Variants in PITRM1 observed in about 807,000 individuals in gnomAD.
The protein encoded by PITRM1 is pitrilysin metallopeptidase 1.
PITRM1 carries 100 observed loss-of-function variants against 129.9 expected under a neutral mutation model. The observed-to-expected ratio is 0.77, with a 90% CI of 0.65 to 0.91. The LOEUF is 0.91. PITRM1 is among the 40% of genes least tolerant of loss of function. The pLI, the probability that PITRM1 is intolerant of heterozygous loss-of-function variation, is 0.00. For synonymous variants in PITRM1, 591 were observed against 508.8 expected (o/e 1.16, Z -2.17); for missense variants, 1,471 against 1,318.3 (o/e 1.12, Z -1.79).
chr10:3,165,966 C>T (rs910095496), intron 4 of PITRM1, among the ~76,000 whole-genome samples: 2 of 152,174 alleles, frequency 1.3e-5, no homozygotes, highest in Non-Finnish European at 2.9e-5. Context: ...GGCATTGTAG[C>T]GATATCTCCA....
At chr10:3,143,367 G>A (rs1564389432) in intron 23 of PITRM1, 22 bp downstream of exon 23, 2 of 1,463,686 alleles carry the variant, frequency 1.4e-6, no homozygotes, top group Non-Finnish European at 1.9e-6. Flanking sequence ...GGCCTGAGAG[G>A]TCCCGACCTA....
chr10:3,155,623 G>T lies in PITRM1; in HGVS notation c.1589C>A (p.Ser530Tyr), dbSNP rs1356363310. 6.2e-7 allele frequency: 1 copy of T among 1,613,774 alleles called. No homozygotes were observed. The highest frequency in any genetic ancestry group is 1.3e-5 in the African/African-American group (1 of 74,888). ...TKLKQKVEAL[S>Y]PGDRQQIYEK... ...GTAGATCTGCTGCCTGTCTCCGGGG[G>T]ACAGAGCCTCGACCTTCTGCTTGAG... The change falls in exon 14 of 27, where the codon TCC becomes TAC. Residue 530 changes from serine (S) to tyrosine (Y), a missense_variant. Ser to Tyr is a moderately radical substitution (Grantham distance 144). Coordinates refer to ENST00000224949, the MANE Select transcript of PITRM1 (RefSeq NM_014889.4).
At chr10:3,150,771 C>G (rs1367163306) in intron 15 of PITRM1, among the ~76,000 whole-genome samples, 1 of 152,084 alleles carries the variant, frequency 6.6e-6, no homozygotes, top group Non-Finnish European at 1.5e-5. Flanking sequence ...ACAAAACGTG[C>G]CAAGGAACGA....
At chr10:3,164,012 T>C in intron 6 of PITRM1, 127 bp from the exon 7 acceptor site, 1 of 527,022 alleles carries the variant, frequency 1.9e-6, no homozygotes, top group Non-Finnish European at 3.1e-6. Context: ...AATAAAGCTG[T>C]TCTAATGGTT....
At chr10:3,147,543 G>C (rs748605165) in intron 19 of PITRM1, 29 bp downstream of exon 19, 41 of 1,607,988 alleles carry the variant, frequency 2.5e-5, no homozygotes, top group African/African-American at 5.3e-5. Context: ...CTAAACCGGA[G>C]TAATAGAGGT....
chr10:3,172,814 A>C (rs759085742), upstream of PITRM1: 1 of 1,526,578 alleles, frequency 6.6e-7, no homozygotes, highest in Non-Finnish European at 8.8e-7. Context: ...CCCCCTCTTA[A>C]CCCGACGCAG....
chr10:3,157,157 G>T, intron 12 of PITRM1, 93 bp from the exon 13 acceptor site: 1 of 1,157,840 alleles, frequency 8.6e-7, no homozygotes, highest in Non-Finnish European at 1.2e-6. Flanking sequence ...CCTAGTTTCT[G>T]TATTTAAATA....
intron 14 of PITRM1, 35 bp downstream of exon 14, chr10:3,155,556 T>C (rs1409480353): frequency 6.2e-7 from 1 of 1,612,444 alleles, no homozygotes; most frequent in Non-Finnish European, 8.5e-7. Context: ...CGAGTGCAGG[T>C]TAGGGACTCG....
intron 6 of PITRM1, chr10:3,164,213 G>A (rs1427358067): frequency 1.3e-5 from 2 of 159,098 alleles, no homozygotes; most frequent in Non-Finnish European, 2.8e-5. Context: ...GGGAAGTGGG[G>A]AGAAGCTGTC....
At chr10:3,160,385 A>C in intron 7 of PITRM1, 55 bp from the exon 8 acceptor site, 1 of 1,429,076 alleles carries the variant, frequency 7.0e-7, no homozygotes, top group Non-Finnish European at 9.8e-7. Flanking sequence ...ATGTGAGATC[A>C]AGTGCTGTCT....
At chr10:3,169,352 CCAGGAGCTCTTCCCTCTGCCCCCAGCAG>C (rs1843148549) in intron 2 of PITRM1, among the ~76,000 whole-genome samples, 1 of 152,164 alleles carries the variant, frequency 6.6e-6, no homozygotes, top group Admixed American at 6.5e-5. Context: ...ACCACCCTCT[CCAGGAGCTCTTCCCTCTGCCCCCAGCAG>C]CAGCAGCTCC....
At chr10:3,156,733 C>T (rs533502236) in intron 13 of PITRM1, among the ~76,000 whole-genome samples, 197 bp downstream of exon 13, 9 of 152,244 alleles carry the variant, frequency 5.9e-5, no homozygotes, top group African/African-American at 2.2e-4. Context: ...TGCACATATA[C>T]ATTTATCTAA....
chr10:3,144,895 G>A (rs1043451919), intron 21 of PITRM1: 2 of 152,586 alleles, frequency 1.3e-5, no homozygotes, highest in Non-Finnish European at 2.9e-5. Flanking sequence ...GGAAAAGGTA[G>A]CCTTGTTATA....
At chr10:3,162,307 G>A (rs1842523177) in intron 7 of PITRM1, among the ~76,000 whole-genome samples, 1 of 152,132 alleles carries the variant, frequency 6.6e-6, no homozygotes, top group Admixed American at 6.5e-5. Flanking sequence ...TAACCCGATA[G>A]CCCAGCTGAT....
chr10:3,140,852 TAAAA>T (rs138821734), intron 23 of PITRM1, 40 bp from the exon 24 acceptor site: 45 of 1,485,160 alleles, frequency 3.0e-5, no homozygotes, highest in Non-Finnish European at 4.0e-5. Context: ...CCGTGGCTGA[TAAAA>T]AAGCATAGAC....
intron 14 of PITRM1, among the ~76,000 whole-genome samples, chr10:3,153,544 G>A (rs781281013): frequency 3.3e-5 from 5 of 152,000 alleles, no homozygotes; most frequent in African/African-American, 9.7e-5. Flanking sequence ...ACGTGAATCC[G>A]GGAGGGGGAG....
At chr10:3,167,597 T>G (rs1344482521) in intron 2 of PITRM1, among the ~76,000 whole-genome samples, 8 of 152,216 alleles carry the variant, frequency 5.3e-5, no homozygotes, top group African/African-American at 1.9e-4. Flanking sequence ...TGCTTTTGTG[T>G]GCTGTGCCTC....
At chr10:3,172,208 T>C (rs1042770947) in intron 1 of PITRM1, 9 of 456,868 alleles carry the variant, frequency 2.0e-5, no homozygotes, top group Non-Finnish European at 3.5e-5. Flanking sequence ...GCTCGTGGAT[T>C]ACCATGAACA....
In PITRM1 at chr10:3,159,061, G is replaced by T. The variant is rs191643218; in HGVS notation, c.1008-19C>A. 21 of 1,594,616 alleles carry T rather than the reference G, an allele frequency of 1.3e-5. No individual in the cohort carries two copies. The East Asian group carries it at 3.4e-4, about 26-fold the overall frequency. On this transcript the variant is annotated intron_variant, in intron 9 of 26. Transcript: ENST00000224949. ...GGTGATGCTGCATTGAAAAAAAAAG[G>T]AACGGGGAGGTAAGAAAAGAGTAAA...
Sources: allele counts gnomAD v4.1 joint callset (sites outside exome capture counted in the v4.1 genomes callset), GRCh38; gene constraint gnomAD v4.1.1; transcripts MANE v1.5; gene names NCBI Gene and HGNC (gene_info 2026-07-23, HGNC 2026-07-21).